Variants in ANKRD17 observed in about 807,000 individuals in gnomAD.
ANKRD17 encodes ankyrin repeat domain-containing protein 17.
A neutral mutation model predicts 229.7 loss-of-function variants in ANKRD17; 19 were observed. That is an observed-to-expected ratio of 0.08 (90% CI 0.06 to 0.12). ANKRD17 has a LOEUF of 0.12. Ranked by LOEUF, ANKRD17 falls within the 10% of genes least tolerant of loss-of-function variation. The pLI, the probability that ANKRD17 is intolerant of heterozygous loss-of-function variation, is 1.00. For missense variants in ANKRD17, 2,176 were observed against 3,176.8 expected (o/e 0.68, Z 7.57); for synonymous variants, 1,112 against 1,146.1 (o/e 0.97, Z 0.60).
intron 1 of ANKRD17, among the ~76,000 whole-genome samples, chr4:73,177,775 C>A (rs907231748): frequency 3.3e-5 from 5 of 152,056 alleles, no homozygotes; most frequent in Non-Finnish European, 4.4e-5. Context: ...ATTTTCTTTA[C>A]TAATATTCTT....
chr4:73,174,522 C>G lies in ANKRD17; in HGVS notation c.547+2858G>C, dbSNP rs537624937. 4.6e-5 allele frequency among the ~76,000 whole-genome samples: 7 copies of G among 152,248 alleles called. No homozygotes were observed. In the East Asian group the frequency reaches 1.2e-3, roughly 25 times the overall value. On this transcript the variant is annotated intron_variant, in intron 2 of 33. Coordinates refer to ENST00000358602, the MANE Select transcript of ANKRD17 (RefSeq NM_032217.5). Reference sequence around the variant, plus strand: ...GAAAGCATCCCCCCAAGAACTGGAACAAGATCTGGATGCCCACTTTCACTA... The same window carrying G: ...GAAAGCATCCCCCCAAGAACTGGAAGAAGATCTGGATGCCCACTTTCACTA...
At chr4:73,150,037 T>C (rs886513140) in intron 7 of ANKRD17, among the ~76,000 whole-genome samples, 2 of 152,176 alleles carry the variant, frequency 1.3e-5, no homozygotes, top group South Asian at 2.1e-4. Context: ...AAACATGCCA[T>C]GCCTATTTTT....
At chr4:73,240,660 CTTGA>C (rs1299490314) in intron 1 of ANKRD17, among the ~76,000 whole-genome samples, 1 of 151,970 alleles carries the variant, frequency 6.6e-6, no homozygotes, top group Non-Finnish European at 1.5e-5. Context: ...ACATAACTGA[CTTGA>C]TTAAGTGGAA....
intron 1 of ANKRD17, among the ~76,000 whole-genome samples, chr4:73,206,431 A>C (rs746161038): frequency 0.097 from 13,431 of 138,708 alleles, 702 homozygotes; most frequent in South Asian, 0.17. Context: ...AAAGTGAGAG[A>C]GAGAGAGAGA....
In ANKRD17 at chr4:73,103,738, GT is replaced by G. The variant is rs565879177; in HGVS notation, c.4402-1192del. On this transcript the variant is annotated intron_variant, in intron 24 of 33. Coordinates refer to ENST00000358602, the MANE Select transcript of ANKRD17 (RefSeq NM_032217.5). ...AAATTCATAAGCCAAACAATATTTA[GT>G]TTTCATTCAAAAAAGTCTGACTTCA... Among the ~76,000 whole-genome samples the G allele has an allele frequency of 1.4e-3, 219 of 151,616 alleles. 2 individuals carry two copies. Among genetic ancestry groups the G allele is most frequent in the African/African-American group, 4.9e-3 (204 of 41,340 alleles).
chr4:73,097,936 A>G (rs1723501666), intron 26 of ANKRD17, 137 bp downstream of exon 26: 4 of 674,696 alleles, frequency 5.9e-6, no homozygotes, highest in South Asian at 5.2e-5. Context: ...CTTCAATTCA[A>G]TTGAAACAGT....
At chr4:73,079,836 C>A (rs542306715) in intron 30 of ANKRD17, among the ~76,000 whole-genome samples, 2 of 152,048 alleles carry the variant, frequency 1.3e-5, no homozygotes, top group Non-Finnish European at 2.9e-5. Flanking sequence ...AAATATTGGC[C>A]GGGCGCGGTG....
intron 24 of ANKRD17, chr4:73,113,403 T>C (rs1312369994): frequency 7.8e-7 from 1 of 1,288,430 alleles, no homozygotes; most frequent in African/African-American, 1.5e-5. Flanking sequence ...GGTTATGCCT[T>C]GGTAGTGCAT....
At chr4:73,191,871 T>C (rs561193249) in intron 1 of ANKRD17, among the ~76,000 whole-genome samples, 1 of 152,218 alleles carries the variant, frequency 6.6e-6, no homozygotes, top group African/African-American at 2.4e-5. Flanking sequence ...CAATTTTCTT[T>C]CTAGAAATTT....
At chr4:73,181,845 C>T (rs921702442) in intron 1 of ANKRD17, among the ~76,000 whole-genome samples, 1 of 151,364 alleles carries the variant, frequency 6.6e-6, no homozygotes, top group South Asian at 2.1e-4. Flanking sequence ...GTTGGGAGTT[C>T]GAGACCAGCC....
At chr4:73,116,214 G>C (rs1039812473) in intron 22 of ANKRD17, among the ~76,000 whole-genome samples, 2 of 151,896 alleles carry the variant, frequency 1.3e-5, no homozygotes, top group African/African-American at 4.8e-5. Flanking sequence ...ATGTCTGAAG[G>C]GTGGTGGGGG....
intron 3 of ANKRD17, among the ~76,000 whole-genome samples, chr4:73,158,433 C>A (rs1299347370): frequency 6.6e-6 from 1 of 152,188 alleles, no homozygotes; most frequent in African/African-American, 2.4e-5. Flanking sequence ...GCTCCAACCT[C>A]CAAATATTTG....
At chr4:73,175,386 TG>T (rs973814067) in intron 2 of ANKRD17, among the ~76,000 whole-genome samples, 50 of 152,210 alleles carry the variant, frequency 3.3e-4, no homozygotes, top group African/African-American at 1.2e-3. Context: ...CCTTGACACA[TG>T]GGGATAATGG....
At position 73,077,297 on chromosome 4, in the gene ANKRD17, C is replaced by T. The variant is rs1388953243; in HGVS notation, c.7587+58G>A. The stretch of plus-strand genomic sequence containing the variant: ...AGATTATACATATGCCTACTATATT[C>T]AAAACATTTTCTCAGAAAATCCTCC... On this transcript the variant is annotated intron_variant, in intron 32 of 33. Transcript: ENST00000358602. The T allele has an allele frequency of 2.6e-6, 4 of 1,509,564 alleles. No individual in the cohort carries two copies. The East Asian group carries it at 9.3e-5, about 35-fold the overall frequency. The allele number at this position is 1,509,564 out of a possible 1,614,324, so 93.5% of individuals were successfully genotyped here. A position where few individuals can be genotyped will look rare whatever the true frequency, so the allele number is the denominator to read the frequency against.
chr4:73,184,687 T>C (rs1736059083), intron 1 of ANKRD17, among the ~76,000 whole-genome samples: 1 of 152,114 alleles, frequency 6.6e-6, no homozygotes, highest in South Asian at 2.1e-4. Context: ...AAAATAATTT[T>C]GTTATAATCA....
At chr4:73,255,640 G>A (rs1171971833) in intron 1 of ANKRD17, among the ~76,000 whole-genome samples, 5 of 152,040 alleles carry the variant, frequency 3.3e-5, no homozygotes, top group African/African-American at 9.7e-5. Flanking sequence ...TCTTTACTTT[G>A]ATCAAAAGAT....
chr4:73,135,306 T>C, intron 15 of ANKRD17, 41 bp from the exon 16 acceptor site: 1 of 1,581,310 alleles, frequency 6.3e-7, no homozygotes, highest in Non-Finnish European at 8.6e-7. Context: ...GATGAAACAT[T>C]GTTAAGTAAT....
intron 20 of ANKRD17, 146 bp from the exon 21 acceptor site, chr4:73,120,483 C>T: frequency 1.5e-6 from 1 of 688,896 alleles, no homozygotes; most frequent in South Asian, 2.0e-5. Context: ...TTATTAGCTC[C>T]TTTGAGTTAG....
chr4:73,077,271 T>C, intron 32 of ANKRD17, 84 bp downstream of exon 32: 2 of 1,378,200 alleles, frequency 1.5e-6, no homozygotes, highest in Non-Finnish European at 1.9e-6. Flanking sequence ...ATTTTAACAT[T>C]AGATTATACA....
Sources: allele counts gnomAD v4.1 joint callset (sites outside exome capture counted in the v4.1 genomes callset), GRCh38; gene constraint gnomAD v4.1.1; transcripts MANE v1.5; gene names NCBI Gene and HGNC (gene_info 2026-07-23, HGNC 2026-07-21).